Variants in AKAP6 observed in about 807,000 individuals in gnomAD.
The protein encoded by AKAP6 is A-kinase anchor protein 6.
A neutral mutation model predicts 188.5 loss-of-function variants in AKAP6; 58 were observed. The observed-to-expected ratio is 0.31, with a 90% confidence interval of 0.25 to 0.38. The LOEUF is 0.38. AKAP6 is among the 10% of genes least tolerant of loss of function. The pLI is 1.00. For missense variants in AKAP6, 2,710 were observed against 2,740.0 expected, an observed-to-expected ratio of 0.99 and a Z score of 0.24; for synonymous variants, 989 against 998.6, an observed-to-expected ratio of 0.99 and a Z score of 0.18.
chr14:32,799,984 C>A (rs573886561), intron 12 of AKAP6, among the ~76,000 whole-genome samples: 1 of 150,000 alleles, frequency 6.7e-6, no homozygotes, highest in African/African-American at 2.5e-5. Flanking sequence ...CCGAGGTGGG[C>A]GGACTGCTTG....
chr14:32,546,780 G>A lies in AKAP6; in HGVS notation c.2127G>A (p.Gly709=), dbSNP rs1883220277. 3 of 1,614,034 alleles carry A rather than the reference G, an allele frequency of 1.9e-6. No homozygotes were observed. Among genetic ancestry groups the A allele is most frequent in the South Asian group, 1.1e-5 (1 of 91,058 alleles). The change falls in exon 4 of 14, where the codon GGG becomes GGA. Residue 709 remains glycine, a synonymous_variant. Transcript: ENST00000280979. ...SSSSDIASSL[G]ESIESGPLSD... Reference sequence around the variant, plus strand: ...CTAGTGACATAGCCTCTTCACTAGGGGAGAGCATTGAATCTGGGCCCCTGA... The same window carrying A: ...CTAGTGACATAGCCTCTTCACTAGGAGAGAGCATTGAATCTGGGCCCCTGA...
intron 3 of AKAP6, among the ~76,000 whole-genome samples, chr14:32,541,570 T>A (rs1352744868): frequency 6.6e-6 from 1 of 152,144 alleles, no homozygotes; most frequent in African/African-American, 2.4e-5. Context: ...ATCATATAAA[T>A]ACTTTTCTAT....
intron 1 of AKAP6, among the ~76,000 whole-genome samples, chr14:32,333,406 G>A (rs1479707015): frequency 6.6e-6 from 1 of 152,076 alleles, no homozygotes. Context: ...CATTGTCAGG[G>A]AATCTATAGC....
chr14:32,807,801 T>G (rs2140106674), intron 12 of AKAP6, among the ~76,000 whole-genome samples: 1 of 152,318 alleles, frequency 6.6e-6, no homozygotes. Flanking sequence ...CCTTGAACCT[T>G]CTCACATTGT....
At chr14:32,558,907 G>A (rs1883807679) in intron 4 of AKAP6, among the ~76,000 whole-genome samples, 1 of 152,172 alleles carries the variant, frequency 6.6e-6, no homozygotes, top group Non-Finnish European at 1.5e-5. Flanking sequence ...TTGTCACATA[G>A]CATTACCTGA....
At chr14:32,507,900 G>C (rs909798144) in intron 2 of AKAP6, among the ~76,000 whole-genome samples, 2 of 152,216 alleles carry the variant, frequency 1.3e-5, no homozygotes, top group Non-Finnish European at 2.9e-5. Context: ...TGAGGATCTG[G>C]GTAGGAGGTG....
intron 1 of AKAP6, among the ~76,000 whole-genome samples, chr14:32,370,881 C>T (rs1364234777): frequency 6.6e-6 from 1 of 152,142 alleles, no homozygotes; most frequent in Non-Finnish European, 1.5e-5. Flanking sequence ...TTGCTCTTTC[C>T]TTGTGTAAGA....
intron 12 of AKAP6, among the ~76,000 whole-genome samples, chr14:32,780,690 A>G (rs527535290): frequency 5.5e-4 from 83 of 152,170 alleles, no homozygotes; most frequent in Non-Finnish European, 9.0e-4. Flanking sequence ...TAAGCCCAGC[A>G]CTTTGGGAGG....
At chr14:32,787,231 A>T (rs183667410) in intron 12 of AKAP6, among the ~76,000 whole-genome samples, 101 of 152,336 alleles carry the variant, frequency 6.6e-4, no homozygotes, top group Middle Eastern at 3.4e-3. Context: ...AAGGGGGGGA[A>T]CCCCACACTT....
intron 9 of AKAP6, among the ~76,000 whole-genome samples, chr14:32,724,409 G>A (rs547166358): frequency 2.6e-5 from 4 of 152,130 alleles, no homozygotes; most frequent in African/African-American, 7.2e-5. Flanking sequence ...AAAATCTACT[G>A]GAAGTGCATA....
chr14:32,377,199 C>G (rs1348891619), intron 1 of AKAP6, among the ~76,000 whole-genome samples: 3 of 152,218 alleles, frequency 2.0e-5, no homozygotes, highest in South Asian at 4.1e-4. Flanking sequence ...CAGTGCCTAT[C>G]TATGCGTACC....
intron 8 of AKAP6, among the ~76,000 whole-genome samples, chr14:32,688,531 A>C (rs533484213): frequency 3.4e-4 from 52 of 152,300 alleles, no homozygotes; most frequent in Middle Eastern, 3.4e-3. Context: ...ATACCCAAAG[A>C]ATAAAATGAA....
At chr14:32,380,160 G>A (rs1888303336) in intron 1 of AKAP6, among the ~76,000 whole-genome samples, 1 of 152,188 alleles carries the variant, frequency 6.6e-6, no homozygotes, top group Non-Finnish European at 1.5e-5. Flanking sequence ...TCTATCCTGT[G>A]AGCCTATTGC....
rs757298007 is a variant in AKAP6, at chr14:32,577,183, A to G, written c.2410A>G (p.Asn804Asp). ...AAATGAAGCCATGGAAACTACAGAA[A>G]ATTGGACTCCCCCTAAAGCAGAGAT... ...WLNEAMETTENWTPPKAEMDD... is the reference protein window; with the variant it reads ...WLNEAMETTEDWTPPKAEMDD... The change falls in exon 5 of 14, where the codon AAT becomes GAT. Residue 804 changes from asparagine (N) to aspartate (D), a missense_variant. Asn to Asp is a conservative substitution (Grantham distance 23). This residue lies in a region of AKAP6 where 2,473 missense variants were observed against 2,426.1 expected (regional missense o/e 1.02). Coordinates refer to ENST00000280979, the MANE Select transcript of AKAP6 (RefSeq NM_004274.5). The G allele has an allele frequency of 1.2e-6, 2 of 1,612,652 alleles. No homozygotes were observed. Among genetic ancestry groups the G allele is most frequent in the Admixed American group, 3.3e-5 (2 of 59,828 alleles).
intron 2 of AKAP6, among the ~76,000 whole-genome samples, chr14:32,497,922 G>A (rs1483327868): frequency 4.6e-5 from 7 of 151,958 alleles, no homozygotes; most frequent in Non-Finnish European, 8.8e-5. Context: ...TCTTTGCTCT[G>A]AAATTTACTT....
intron 7 of AKAP6, among the ~76,000 whole-genome samples, chr14:32,657,732 A>G (rs992527083): frequency 6.6e-6 from 1 of 151,682 alleles, no homozygotes; most frequent in African/African-American, 2.4e-5. Flanking sequence ...TTTTACCATA[A>G]TTTTATCATG....
intron 2 of AKAP6, among the ~76,000 whole-genome samples, chr14:32,469,668 A>C (rs890788439): frequency 2.1e-5 from 3 of 145,614 alleles, no homozygotes; most frequent in African/African-American, 8.1e-5. Flanking sequence ...GCTAGTTAAA[A>C]GAATGTCTTT....
intron 3 of AKAP6, among the ~76,000 whole-genome samples, chr14:32,542,308 GTCATTCATTCAT>G (rs767873167): frequency 6.6e-6 from 1 of 152,078 alleles, no homozygotes; most frequent in Non-Finnish European, 1.5e-5. Context: ...CTAAAATGTT[GTCATTCATTCAT>G]TCATTCATTC....
chr14:32,606,728 A>G (rs1223598843), intron 7 of AKAP6, among the ~76,000 whole-genome samples: 1 of 152,108 alleles, frequency 6.6e-6, no homozygotes, highest in Non-Finnish European at 1.5e-5. Context: ...TGCTCATTTT[A>G]TCTGTCTTCT....
Sources: gnomAD v4.1 joint callset for allele counts (sites outside exome capture counted in the v4.1 genomes callset) on GRCh38, gnomAD v4.1.1 for gene constraint, gnomAD v4.1.1 regional missense constraint, MANE v1.5 for transcripts, NCBI Gene and HGNC (gene_info 2026-07-23, HGNC 2026-07-21) for gene names.